The following THSD7B variants were observed in gnomAD, a reference collection of about 807,000 sequenced individuals.
THSD7B encodes thrombospondin type 1 domain containing 7B, also known as thrombospondin type-1 domain-containing protein 7B.
In THSD7B, 138 loss-of-function variants were observed where a neutral mutation model predicts 213.6. The ratio of observed to expected loss-of-function variants is 0.65; its 90% confidence interval spans 0.56 to 0.74. The LOEUF (loss-of-function observed/expected upper bound fraction) is 0.74. Ranked by LOEUF, THSD7B falls within the 30% of genes least tolerant of loss-of-function variation. The probability of loss-of-function intolerance (pLI) is 0.00; values close to 1 mark genes in which losing one functional copy is unlikely to be tolerated. For missense variants in THSD7B, 1,931 were observed against 1,991.5 expected (o/e 0.97, Z 0.58); for synonymous variants, 742 against 687.0 (o/e 1.08, Z -1.25).
At chr2:137,598,957 T>C (rs1461958158) in intron 17 of THSD7B, among the ~76,000 whole-genome samples, 1 of 151,032 alleles carries the variant, frequency 6.6e-6, no homozygotes, top group Non-Finnish European at 1.5e-5. Context: ...TATGTATACA[T>C]GTGCCACGCT....
At chr2:136,785,329 C>T (rs1358034862) in intron 1 of THSD7B, among the ~76,000 whole-genome samples, 3 of 152,224 alleles carry the variant, frequency 2.0e-5, no homozygotes, top group South Asian at 2.1e-4. Flanking sequence ...TGGCTGTTCC[C>T]CTTGCCCCCT....
rs746027735 is a variant in THSD7B at position 137,650,034 on chromosome 2, C to T, written c.3946-5467C>T. 1.2e-4 allele frequency among the ~76,000 whole-genome samples: 18 copies of T among 151,998 alleles called. 1 individual carries two copies. The South Asian group carries it at 3.5e-3, about 30-fold the overall frequency. ...GGAAGATGGCTTGAGTCGGAGAGGT[C>T]GAGGCTGTAATGAGTCCCGATTATG... On this transcript the variant is annotated intron_variant, in intron 21 of 27. Transcript: ENST00000409968.
chr2:137,639,645 T>C (rs1682901650), intron 20 of THSD7B, among the ~76,000 whole-genome samples: 1 of 152,112 alleles, frequency 6.6e-6, no homozygotes, highest in Non-Finnish European at 1.5e-5. Context: ...AGGGAGGCTG[T>C]GCCCTGCAAA....
At chr2:137,279,163 GA>G (rs1457724121) in intron 12 of THSD7B, among the ~76,000 whole-genome samples, 2 of 152,088 alleles carry the variant, frequency 1.3e-5, no homozygotes, top group African/African-American at 4.8e-5. Context: ...TCAAAGTGAG[GA>G]GTCAGATAAT....
chr2:137,088,262 A>T (rs1157890631), intron 3 of THSD7B, among the ~76,000 whole-genome samples: 1 of 151,860 alleles, frequency 6.6e-6, no homozygotes, highest in Admixed American at 6.6e-5. Context: ...AAAAAATAAA[A>T]TTAAATTTAA....
chr2:137,112,772 C>CGTGTGTGTGT (rs112879754), intron 4 of THSD7B, among the ~76,000 whole-genome samples: 114 of 149,916 alleles, frequency 7.6e-4, no homozygotes, highest in Admixed American at 2.9e-3. Context: ...TGTTAATGTA[C>CGTGTGTGTGT]GTGTGTGTGT....
chr2:137,663,920 C>T (rs111989005), intron 26 of THSD7B, among the ~76,000 whole-genome samples: 1,619 of 151,756 alleles, frequency 0.011, 29 homozygotes, highest in African/African-American at 0.036. Flanking sequence ...GGTGTGATCT[C>T]GGCTTACTGC....
intron 21 of THSD7B, among the ~76,000 whole-genome samples, chr2:137,647,555 C>T (rs868865134): frequency 6.6e-6 from 1 of 151,538 alleles, no homozygotes; most frequent in African/African-American, 2.4e-5. Context: ...CAGCAATAGT[C>T]ACAAAGCCTC....
At chr2:137,591,986 A>G (rs1376107902) in intron 17 of THSD7B, among the ~76,000 whole-genome samples, 1 of 151,368 alleles carries the variant, frequency 6.6e-6, no homozygotes, top group African/African-American at 2.4e-5. Flanking sequence ...ATAGATTAAT[A>G]TTTTTGGCTT....
At chr2:137,460,223 C>T (rs1013529171) in intron 15 of THSD7B, among the ~76,000 whole-genome samples, 59 of 152,144 alleles carry the variant, frequency 3.9e-4, no homozygotes, top group African/African-American at 1.4e-3. Context: ...CCAAATTGAA[C>T]TTTTCTGAGT....
At chr2:137,517,211 A>G (rs1680087048) in intron 15 of THSD7B, among the ~76,000 whole-genome samples, 1 of 152,230 alleles carries the variant, frequency 6.6e-6, no homozygotes, top group Admixed American at 6.5e-5. Context: ...GGGGTATATC[A>G]ACTCTCCAGC....
intron 1 of THSD7B, among the ~76,000 whole-genome samples, chr2:136,847,118 T>C (rs1683024041): frequency 6.6e-6 from 1 of 152,136 alleles, no homozygotes; most frequent in African/African-American, 2.4e-5. Flanking sequence ...AAATAGTAAA[T>C]GGAATTGCTT....
At chr2:137,499,639 G>C (rs1231764248) in intron 15 of THSD7B, among the ~76,000 whole-genome samples, 3 of 152,106 alleles carry the variant, frequency 2.0e-5, no homozygotes, top group African/African-American at 7.2e-5. Context: ...TCTCTAAAAA[G>C]CATCGAATTG....
At chr2:137,414,184 A>C (rs1437158306) in intron 14 of THSD7B, among the ~76,000 whole-genome samples, 1 of 152,220 alleles carries the variant, frequency 6.6e-6, no homozygotes, top group Non-Finnish European at 1.5e-5. Context: ...GACTTTCACC[A>C]GATGAAAATC....
Position 137,089,266 on chromosome 2 carries a change from G to GTGTGTACGTATATATACATATATA in THSD7B, c.951-5602_951-5601insACGTATATATACATATATATGTGT, listed in dbSNP as rs1558916441. Among the ~76,000 whole-genome samples the GTGTGTACGTATATATACATATATA allele has an allele frequency of 2.0e-3, 262 of 129,618 alleles. 1 individual carries two copies. The highest frequency in any genetic ancestry group is 9.6e-3 in the African/African-American group (240 of 24,960). The allele number at this position is 129,618 out of a possible 152,430, so 85.0% of individuals were successfully genotyped here. A position where few individuals can be genotyped will look rare whatever the true frequency, so the allele number is the denominator to read the frequency against. On this transcript the variant is annotated intron_variant, in intron 3 of 27. Coordinates refer to ENST00000409968, the MANE Select transcript of THSD7B (RefSeq NM_001316349.2). ...AAGTGGTGTGTGTGTGTGTGTGTGTGTGTGTGTGTATATGTATATATACAT... is the reference window on the plus strand; with the variant it reads ...AAGTGGTGTGTGTGTGTGTGTGTGTGTGTGTACGTATATATACATATATATGTGTGTGTATATGTATATATACAT...
At chr2:137,569,028 A>G (rs1681299350) in intron 16 of THSD7B, among the ~76,000 whole-genome samples, 1 of 152,210 alleles carries the variant, frequency 6.6e-6, no homozygotes, top group Non-Finnish European at 1.5e-5. Flanking sequence ...TAGATTGTCC[A>G]GTGGGAAAAA....
chr2:137,470,655 A>C (rs1271982258), intron 15 of THSD7B, among the ~76,000 whole-genome samples: 1 of 152,174 alleles, frequency 6.6e-6, no homozygotes, highest in Non-Finnish European at 1.5e-5. Flanking sequence ...GCCAGCTCTC[A>C]GCTACAGAAT....
intron 16 of THSD7B, among the ~76,000 whole-genome samples, chr2:137,571,073 G>T (rs1039655359): frequency 6.6e-6 from 1 of 152,214 alleles, no homozygotes; most frequent in South Asian, 2.1e-4. Flanking sequence ...CCAGCCCAGA[G>T]GTCAAGAAAC....
chr2:137,552,499 C>A (rs1341090115), intron 15 of THSD7B, among the ~76,000 whole-genome samples: 4 of 152,058 alleles, frequency 2.6e-5, no homozygotes, highest in Non-Finnish European at 5.9e-5. Flanking sequence ...AGGATCATAC[C>A]AACCTTGTCT....
Sources: gnomAD v4.1 joint callset for allele counts (sites outside exome capture counted in the v4.1 genomes callset) on GRCh38, gnomAD v4.1.1 for gene constraint, MANE v1.5 for transcripts, NCBI Gene and HGNC (gene_info 2026-07-23, HGNC 2026-07-21) for gene names.